The following AFAP1L2 variants were observed in gnomAD, a reference collection of about 807,000 sequenced individuals.
The protein encoded by AFAP1L2 is actin filament associated protein 1 like 2.
A neutral mutation model predicts 99.3 loss-of-function variants in AFAP1L2; 46 were observed. The observed-to-expected ratio is 0.46, with a 90% CI of 0.37 to 0.59. The LOEUF is 0.59. Among genes scored for constraint, AFAP1L2 ranks in the 20% least tolerant of loss-of-function variants. The pLI is 0.00. For missense variants in AFAP1L2, 959 were observed against 1,034.9 expected (o/e 0.93, Z 1.01); for synonymous variants, 397 against 419.1 (o/e 0.95, Z 0.64).
At chr10:114,399,041 G>T in intron 1 of AFAP1L2, 1 of 602,570 alleles carries the variant, frequency 1.7e-6, no homozygotes, top group Non-Finnish European at 2.7e-6. Context: ...TCCAGAGCTA[G>T]AGCACGGGAG....
At chr10:114,332,343 G>A (rs1435755214) in intron 3 of AFAP1L2, among the ~76,000 whole-genome samples, 1 of 152,250 alleles carries the variant, frequency 6.6e-6, no homozygotes, top group East Asian at 1.9e-4. Context: ...GTGAGGGGCA[G>A]GAAGTGAAGG....
At chr10:114,304,992 AG>A in intron 10 of AFAP1L2, 62 bp from the exon 11 acceptor site, 2 of 259,674 alleles carry the variant, frequency 7.7e-6, no homozygotes, top group Non-Finnish European at 1.2e-5. Context: ...CAGATGCAGG[AG>A]GGGGCGGGGC....
intron 1 of AFAP1L2, among the ~76,000 whole-genome samples, chr10:114,380,727 T>C (rs905078714): frequency 3.3e-5 from 5 of 152,222 alleles, no homozygotes; most frequent in Non-Finnish European, 7.3e-5. Flanking sequence ...AGTGATCTCA[T>C]TTACAACAAA....
At chr10:114,355,817 C>G (rs2136342657) in intron 1 of AFAP1L2, among the ~76,000 whole-genome samples, 2 of 152,082 alleles carry the variant, frequency 1.3e-5, no homozygotes, top group Admixed American at 1.3e-4. Flanking sequence ...ACAAAAAATA[C>G]AAAAAACTAG....
the AFAP1L2 span, among the ~76,000 whole-genome samples, chr10:114,282,073 A>C: frequency 2.1e-5 from 3 of 140,944 alleles, no homozygotes; most frequent in East Asian, 6.5e-4. Flanking sequence ...GCAGTTGTGC[A>C]ATCTCGGCTC....
At chr10:114,341,012 G>A (rs530497918) in intron 1 of AFAP1L2, among the ~76,000 whole-genome samples, 4 of 152,200 alleles carry the variant, frequency 2.6e-5, no homozygotes, top group Non-Finnish European at 4.4e-5. Context: ...CGGCCTCGTC[G>A]GCCAACTTTC....
At position 114,297,002 on chromosome 10, in the gene AFAP1L2, T is replaced by C. The variant is rs1284201559; in HGVS notation, c.2406A>G (p.Lys802=). 6.2e-7 allele frequency: 1 copy of C among 1,614,036 alleles called. No individual in the cohort carries two copies. The highest frequency in any genetic ancestry group is 8.5e-7 in the Non-Finnish European group (1 of 1,180,026). The change falls in exon 18 of 19, where the codon AAA becomes AAG. Residue 802 remains lysine, a synonymous_variant. Transcript: ENST00000304129. Reference sequence around the variant, plus strand: ...CCTTGGCTTTCTGGAGTACAGTGCCTTTGCCTGTGACCACGACCGAGAGAG... The same window carrying C: ...CCTTGGCTTTCTGGAGTACAGTGCCCTTGCCTGTGACCACGACCGAGAGAG... The part of the protein sequence containing the change: ...NRPLSVVVTG[K]GTVLQKAKEW...
chr10:114,325,789 A>G lies in AFAP1L2; in HGVS notation c.316-2528T>C, dbSNP rs2046180000. On this transcript the variant is annotated intron_variant, in intron 4 of 18. Coordinates refer to ENST00000304129, the MANE Select transcript of AFAP1L2 (RefSeq NM_001001936.3). Reference sequence around the variant, plus strand: ...CCTTTCCTGGTCCCCCTGGTCAGCCAGCAGCCTGAGAAAAGGCTGAGACAG... The same window carrying G: ...CCTTTCCTGGTCCCCCTGGTCAGCCGGCAGCCTGAGAAAAGGCTGAGACAG... The G allele has an allele frequency of 2.7e-6, 3 of 1,129,848 alleles. No homozygotes were observed. In the Admixed American group the frequency reaches 9.9e-5, roughly 37 times the overall value. 70.0% of individuals were successfully genotyped at this position (1,129,848 alleles called of 1,614,324 possible).
chr10:114,288,975 G>A, the AFAP1L2 span: 7 of 1,613,434 alleles, frequency 4.3e-6, no homozygotes, highest in Admixed American at 8.3e-5. Context: ...TCTTCATGTT[G>A]GACACCTCTG....
chr10:114,336,251 G>C (rs1236122789), intron 2 of AFAP1L2, among the ~76,000 whole-genome samples: 1 of 152,234 alleles, frequency 6.6e-6, no homozygotes, highest in Non-Finnish European at 1.5e-5. Flanking sequence ...GAAAAATACA[G>C]TAAACCTGGC....
rs1046135182 is a variant in AFAP1L2 at position 114,337,987 on chromosome 10, C to T, written c.145+2616G>A. On this transcript the variant is annotated intron_variant, in intron 2 of 18. Transcript: ENST00000304129. Reference sequence around the variant, plus strand: ...GTTGACCAGCACTCCCGGCGGCAGGCGGGCGGACGCTCCCTACAAAGCCTT... The same window carrying T: ...GTTGACCAGCACTCCCGGCGGCAGGTGGGCGGACGCTCCCTACAAAGCCTT... Among the ~76,000 whole-genome samples the T allele has an allele frequency of 5.3e-5, 8 of 152,162 alleles. No individual in the cohort carries two copies. The South Asian group carries it at 6.2e-4, about 12-fold the overall frequency.
chr10:114,404,184 G>A (rs1469841919), intron 1 of AFAP1L2, among the ~76,000 whole-genome samples: 1 of 152,070 alleles, frequency 6.6e-6, no homozygotes, highest in East Asian at 1.9e-4. Context: ...GAGAAGCCCC[G>A]CCACGCCCCC....
the AFAP1L2 span, chr10:114,288,933 T>C: frequency 6.3e-7 from 1 of 1,598,218 alleles, no homozygotes. Flanking sequence ...TGCTTGCTCC[T>C]GCAGGGTGCC....
chr10:114,328,118 G>A (rs1054433765), intron 4 of AFAP1L2, among the ~76,000 whole-genome samples: 1 of 152,236 alleles, frequency 6.6e-6, no homozygotes, highest in African/African-American at 2.4e-5. Context: ...ACCTGGCTGT[G>A]CAGACAGCAG....
chr10:114,330,208 C>T (rs2047030909), intron 4 of AFAP1L2, among the ~76,000 whole-genome samples: 2 of 152,192 alleles, frequency 1.3e-5, no homozygotes, highest in Admixed American at 1.3e-4. Context: ...CCCTTCCCCC[C>T]AGGAAGGCAC....
chr10:114,297,260 G>T lies in AFAP1L2; in HGVS notation c.2267C>A (p.Thr756Asn), dbSNP rs1228740962. The change falls in exon 17 of 19, where the codon ACC becomes AAC. Residue 756 changes from threonine to asparagine, a missense_variant. Physicochemically the swap from Thr to Asn is moderately conservative, Grantham distance 65 (BLOSUM62 0). Around this residue, in one of 2 missense-constraint regions of AFAP1L2, gnomAD observed 576 missense variants for 562.1 expected, o/e 1.02. Transcript: ENST00000304129. ...CTCCAGGTGGGTGGTGTCCACGGTG[G>T]TGCCTAACGTCACAGGCCCTGCCTC... ...KAEAGPVTLG[T>N]TVDTTHLENV... 2 of 1,614,038 alleles carry T rather than the reference G, an allele frequency of 1.2e-6. No homozygotes were observed. The highest frequency in any genetic ancestry group is 2.2e-5 in the East Asian group (1 of 44,860).
rs761578304 is a variant in AFAP1L2, at chr10:114,308,470, G to A, written c.930C>T (p.Ser310=). ...CTGGGACCTCAGGGTGGCCATCCAC[G>A]GAGCTCCCATACTCTGAAGCCGACA... The part of the protein sequence containing the change: ...KYLSASEYGS[S]VDGHPEVPET... The change falls in exon 9 of 19, where the codon TCC becomes TCT. Residue 310 remains serine, a synonymous_variant. Transcript: ENST00000304129. 13 of 1,614,136 alleles carry A rather than the reference G, an allele frequency of 8.1e-6. No homozygotes were observed. Among genetic ancestry groups the A allele is most frequent in the Non-Finnish European group, 1.0e-5 (12 of 1,180,020 alleles).
intron 12 of AFAP1L2, 101 bp from the exon 13 acceptor site, chr10:114,301,566 G>A: frequency 2.4e-6 from 2 of 848,658 alleles, no homozygotes; most frequent in Admixed American, 3.9e-5. Flanking sequence ...CCGTGAAAGT[G>A]GTGGCCACAC....
intron 1 of AFAP1L2, among the ~76,000 whole-genome samples, chr10:114,351,305 T>A (rs1005583379): frequency 2.0e-5 from 3 of 152,200 alleles, no homozygotes; most frequent in African/African-American, 7.2e-5. Context: ...CGCTATGTTT[T>A]CATTTGGAGC....
Sources: allele counts gnomAD v4.1 joint callset (sites outside exome capture counted in the v4.1 genomes callset), GRCh38; gene constraint gnomAD v4.1.1; regional missense constraint gnomAD v4.1.1; transcripts MANE v1.5; gene names NCBI Gene and HGNC (gene_info 2026-07-23, HGNC 2026-07-21).